The following NMNAT3 variants were observed in gnomAD, a reference collection of about 807,000 sequenced individuals.
The protein encoded by NMNAT3 is nicotinamide nucleotide adenylyltransferase 3.
A neutral mutation model predicts 24.8 loss-of-function variants in NMNAT3; 21 were observed. The observed-to-expected ratio is 0.85, with a 90% confidence interval of 0.60 to 1.22. The LOEUF (loss-of-function observed/expected upper bound fraction) is 1.22. NMNAT3 is among the 50% of genes most tolerant of loss of function. The pLI is 0.00. For synonymous variants in NMNAT3, 136 were observed against 155.2 expected, an observed-to-expected ratio of 0.88 and a Z score of 0.92; for missense variants, 387 against 436.6, an observed-to-expected ratio of 0.89 and a Z score of 1.01.
chr3:139,665,518 T>C (rs772266115), intron 1 of NMNAT3, among the ~76,000 whole-genome samples: 2 of 152,162 alleles, frequency 1.3e-5, no homozygotes, highest in Admixed American at 1.3e-4. Flanking sequence ...GAATGAGGTA[T>C]AAGGCACTGT....
intron 1 of NMNAT3, among the ~76,000 whole-genome samples, chr3:139,646,519 C>T (rs1448361944): frequency 6.6e-6 from 1 of 152,162 alleles, no homozygotes; most frequent in African/African-American, 2.4e-5. Flanking sequence ...CTGAGCCACT[C>T]CCATTTGCCC....
intron 1 of NMNAT3, among the ~76,000 whole-genome samples, chr3:139,657,778 G>A (rs1417021190): frequency 6.6e-6 from 1 of 151,424 alleles, no homozygotes; most frequent in Non-Finnish European, 1.5e-5. Flanking sequence ...ATATAGCATG[G>A]GAATGTGCCA....
At chr3:139,560,188 TA>T (rs1389588278), downstream of NMNAT3, 1 of 152,646 alleles carries the variant, frequency 6.6e-6, no homozygotes, top group Non-Finnish European at 1.5e-5. Flanking sequence ...AATTTTTCAT[TA>T]GTACTTTTTG....
chr3:139,568,688 T>C (rs1469286689), intron 6 of NMNAT3: 1 of 152,256 alleles, frequency 6.6e-6, no homozygotes, highest in East Asian at 1.9e-4. Flanking sequence ...CTAGTTTGAT[T>C]GCACTGTGGT....
chr3:139,623,734 C>CA (rs1317913889), intron 3 of NMNAT3, among the ~76,000 whole-genome samples: 2 of 152,070 alleles, frequency 1.3e-5, no homozygotes, highest in African/African-American at 4.8e-5. Context: ...AGGTGCGTGC[C>CA]ACCAGGCCTG....
At chr3:139,572,807 G>C (rs531953374) in intron 6 of NMNAT3, among the ~76,000 whole-genome samples, 2 of 152,256 alleles carry the variant, frequency 1.3e-5, no homozygotes, top group Admixed American at 1.3e-4. Flanking sequence ...CATAGTAAAG[G>C]CTCTAAAAAG....
At chr3:139,641,656 T>C (rs2056707429) in intron 1 of NMNAT3, among the ~76,000 whole-genome samples, 1 of 152,166 alleles carries the variant, frequency 6.6e-6, no homozygotes, top group African/African-American at 2.4e-5. Flanking sequence ...CCCACAGACA[T>C]CCAACTCATG....
chr3:139,656,940 A>G (rs941364056), intron 1 of NMNAT3, among the ~76,000 whole-genome samples: 11 of 152,248 alleles, frequency 7.2e-5, no homozygotes, highest in African/African-American at 1.4e-4. Context: ...ACTATTTACT[A>G]GGTGATTTTT....
At chr3:139,610,203 A>G (rs1184711033) in intron 3 of NMNAT3, among the ~76,000 whole-genome samples, 1 of 151,992 alleles carries the variant, frequency 6.6e-6, no homozygotes, top group Non-Finnish European at 1.5e-5. Context: ...AATAAAGCAC[A>G]CTCATCTGCA....
intron 4 of NMNAT3, among the ~76,000 whole-genome samples, chr3:139,581,975 A>G (rs1234743347): frequency 6.6e-6 from 1 of 151,872 alleles, no homozygotes; most frequent in Admixed American, 6.6e-5. Flanking sequence ...TGGGGGGATC[A>G]CCTGAGGTCA....
chr3:139,626,877 C>A (rs550611578), intron 3 of NMNAT3, among the ~76,000 whole-genome samples: 115 of 152,082 alleles, frequency 7.6e-4, no homozygotes, highest in Non-Finnish European at 1.3e-3. Context: ...TCCTTAAAGG[C>A]AAACTTTTTA....
chr3:139,596,188 G>T (rs1465800250), intron 3 of NMNAT3, among the ~76,000 whole-genome samples: 1 of 152,112 alleles, frequency 6.6e-6, no homozygotes, highest in Non-Finnish European at 1.5e-5. Flanking sequence ...CTGCTGGGTG[G>T]CCCTGTCAGA....
rs999286311 is a variant in NMNAT3, at chr3:139,577,576, A to T, written c.575+1296T>A. 2.6e-5 allele frequency among the ~76,000 whole-genome samples: 4 copies of T among 152,214 alleles called. No individual in the cohort carries two copies. The East Asian group carries it at 7.7e-4, about 29-fold the overall frequency. ...TTAAAGCTAAATTACTTGTTGGATG[A>T]TCTATTCTCTTGCTTCTATTCCCCC... is the stretch of plus-strand genomic sequence containing the variant. On this transcript the variant is annotated intron_variant, in intron 5 of 6. Transcript: ENST00000643695.
At chr3:139,667,908 G>A (rs920487244) in intron 1 of NMNAT3, among the ~76,000 whole-genome samples, 4 of 152,180 alleles carry the variant, frequency 2.6e-5, no homozygotes, top group African/African-American at 9.7e-5. Context: ...GACTCTAGAG[G>A]CCTATAGGAG....
chr3:139,574,784 A>G (rs187136900), intron 5 of NMNAT3, among the ~76,000 whole-genome samples: 41 of 152,324 alleles, frequency 2.7e-4, no homozygotes, highest in Non-Finnish European at 4.7e-4. Context: ...TACACTGAGT[A>G]TCAAAAGATC....
intron 1 of NMNAT3, among the ~76,000 whole-genome samples, chr3:139,647,823 A>G (rs1306687128): frequency 6.6e-6 from 1 of 152,252 alleles, no homozygotes; most frequent in Non-Finnish European, 1.5e-5. Context: ...ATTGTGAGAA[A>G]ATAAATTTCC....
chr3:139,628,772 C>T lies in NMNAT3; in HGVS notation c.-40-1008G>A, dbSNP rs145912721. Among the ~76,000 whole-genome samples, 14 of 152,330 alleles carry T rather than the reference C, an allele frequency of 9.2e-5. No individual in the cohort carries two copies. In the East Asian group the frequency reaches 2.3e-3, roughly 25 times the overall value. ...TGAGGCCTAGGGCAAATCACAGACC[C>T]TCTCTGAGCCTCAGGTTTCTAACCT... On this transcript the variant is annotated intron_variant, in intron 2 of 6. Transcript: ENST00000643695.
intron 2 of NMNAT3, among the ~76,000 whole-genome samples, chr3:139,631,758 G>A (rs1189420754): frequency 4.0e-5 from 6 of 151,404 alleles, no homozygotes; most frequent in Admixed American, 2.0e-4. Context: ...CACCTGAAAC[G>A]CCATCCTGAT....
At chr3:139,592,114 A>T (rs1308271684) in intron 3 of NMNAT3, among the ~76,000 whole-genome samples, 1 of 152,200 alleles carries the variant, frequency 6.6e-6, no homozygotes, top group Non-Finnish European at 1.5e-5. Context: ...CAATACAGAG[A>T]AGTGCTTAAA....
Sources: gnomAD v4.1 joint callset for allele counts (sites outside exome capture counted in the v4.1 genomes callset) on GRCh38, gnomAD v4.1.1 for gene constraint, MANE v1.5 for transcripts, NCBI Gene and HGNC (gene_info 2026-07-23, HGNC 2026-07-21) for gene names.